The following STX8 variants were observed in gnomAD, a reference collection of about 807,000 sequenced individuals.
The protein encoded by STX8 is syntaxin-8.
Under a neutral mutation model 37.5 loss-of-function variants are expected in STX8, and 23 were observed. That is an observed-to-expected ratio of 0.61 (90% CI 0.44 to 0.87). STX8 has a LOEUF of 0.87. Among genes scored for constraint, STX8 ranks in the 40% least tolerant of loss-of-function variants. STX8 has a pLI of 0.00. For missense variants in STX8, 313 were observed against 284.7 expected (o/e 1.10, Z -0.71); for synonymous variants, 115 against 99.1 (o/e 1.16, Z -0.95).
chr17:9,442,092 C>G (rs144297185), intron 6 of STX8, among the ~76,000 whole-genome samples: 1 of 152,208 alleles, frequency 6.6e-6, no homozygotes, highest in Non-Finnish European at 1.5e-5. Context: ...GAGCACCCCA[C>G]GTGTCTTCGA....
chr17:9,498,332 T>G (rs12601610), intron 5 of STX8, among the ~76,000 whole-genome samples: 38,684 of 151,140 alleles, frequency 0.26, 5,149 homozygotes, highest in South Asian at 0.39. Context: ...GGAGGTTGTA[T>G]TGAGTTGAGA....
intron 5 of STX8, among the ~76,000 whole-genome samples, chr17:9,496,337 A>G (rs1003603778): frequency 3.9e-5 from 6 of 152,124 alleles, no homozygotes; most frequent in Non-Finnish European, 8.8e-5. Context: ...CGGCCTCCCA[A>G]AGTGCTGGGA....
chr17:9,391,895 A>G (rs1292383961), intron 6 of STX8, among the ~76,000 whole-genome samples: 1 of 152,184 alleles, frequency 6.6e-6, no homozygotes, highest in Non-Finnish European at 1.5e-5. Flanking sequence ...AAAGTTGTTC[A>G]TGAAGTCCTG....
intron 6 of STX8, among the ~76,000 whole-genome samples, chr17:9,453,705 C>A (rs28649359): frequency 0.012 from 1,775 of 152,114 alleles, 23 homozygotes; most frequent in African/African-American, 0.041. Flanking sequence ...GTTGGCCAGG[C>A]TGGTCTCAAA....
chr17:9,318,976 G>C (rs1329249315), intron 7 of STX8, among the ~76,000 whole-genome samples: 2 of 152,138 alleles, frequency 1.3e-5, no homozygotes, highest in Non-Finnish European at 2.9e-5. Context: ...ATGTAGAAGG[G>C]AGCTCTCCAG....
chr17:9,518,011 G>A (rs1905206332), intron 4 of STX8, among the ~76,000 whole-genome samples: 1 of 152,070 alleles, frequency 6.6e-6, no homozygotes, highest in African/African-American at 2.4e-5. Flanking sequence ...TTCCGAGGTA[G>A]GTAGCTACAG....
chr17:9,535,451 G>A (rs1458536011), intron 4 of STX8, among the ~76,000 whole-genome samples: 1 of 3,808 alleles, frequency 2.6e-4, no homozygotes, highest in African/African-American at 6.0e-4. Context: ...TTTTTTTTTT[G>A]AGACGGAGTC....
intron 6 of STX8, among the ~76,000 whole-genome samples, chr17:9,480,084 T>C (rs561306755): frequency 6.6e-6 from 1 of 152,354 alleles, no homozygotes; most frequent in Middle Eastern, 3.4e-3. Flanking sequence ...ATGCCAGTTC[T>C]TCTGTTTCAC....
intron 6 of STX8, among the ~76,000 whole-genome samples, chr17:9,420,107 G>A (rs541087781): frequency 6.6e-6 from 1 of 152,210 alleles, no homozygotes; most frequent in Non-Finnish European, 1.5e-5. Flanking sequence ...CATTCTTGGT[G>A]AAAAATTAGA....
At chr17:9,356,863 T>C (rs12940711) in intron 7 of STX8, among the ~76,000 whole-genome samples, 16,769 of 152,004 alleles carry the variant, frequency 0.11, 962 homozygotes, top group Middle Eastern at 0.18. Context: ...ATTTGCATCT[T>C]TGCTCTCCTA....
At chr17:9,401,708 T>C (rs1442161789) in intron 6 of STX8, among the ~76,000 whole-genome samples, 6 of 152,148 alleles carry the variant, frequency 3.9e-5, no homozygotes, top group African/African-American at 1.4e-4. Context: ...TTCTCTTTCT[T>C]ATAGGAGATC....
At chr17:9,518,319 T>C (rs2142519394) in intron 4 of STX8, among the ~76,000 whole-genome samples, 1 of 145,954 alleles carries the variant, frequency 6.9e-6, no homozygotes, top group Middle Eastern at 3.4e-3. Flanking sequence ...CTCCAGGCCT[T>C]ACCAGACCCC....
At chr17:9,322,827 A>AAAAAAAG (rs1555595727) in intron 7 of STX8, among the ~76,000 whole-genome samples, 4 of 148,758 alleles carry the variant, frequency 2.7e-5, no homozygotes, top group African/African-American at 1.0e-4. Flanking sequence ...AAAAAAAAAA[A>AAAAAAAG]AAAAAAAAAA....
intron 2 of STX8, among the ~76,000 whole-genome samples, chr17:9,565,192 A>G (rs1341291690): frequency 6.6e-6 from 1 of 152,224 alleles, no homozygotes. Context: ...TGGGCGACAG[A>G]GCAAGACTCT....
chr17:9,359,331 G>C (rs1910984520), intron 7 of STX8, among the ~76,000 whole-genome samples: 1 of 152,052 alleles, frequency 6.6e-6, no homozygotes, highest in Non-Finnish European at 1.5e-5. Flanking sequence ...CAGGAAAAGA[G>C]GTATTACTCT....
At chr17:9,283,575 G>A (rs1907969006) in intron 7 of STX8, among the ~76,000 whole-genome samples, 1 of 152,128 alleles carries the variant, frequency 6.6e-6, no homozygotes, top group African/African-American at 2.4e-5. Context: ...AGAATTCTCA[G>A]TGTTTTCATG....
chr17:9,297,275 T>C (rs909868202), intron 7 of STX8, among the ~76,000 whole-genome samples: 3 of 149,346 alleles, frequency 2.0e-5, no homozygotes, highest in Non-Finnish European at 3.0e-5. Context: ...AAAGAAAAAG[T>C]GAATCCTGCT....
intron 7 of STX8, among the ~76,000 whole-genome samples, chr17:9,354,053 T>A (rs1910797855): frequency 6.6e-6 from 1 of 152,178 alleles, no homozygotes; most frequent in African/African-American, 2.4e-5. Flanking sequence ...ACTTTTAAAC[T>A]ATATGCCCAT....
intron 7 of STX8, among the ~76,000 whole-genome samples, chr17:9,343,929 G>A (rs571277769): frequency 6.6e-6 from 1 of 152,234 alleles, no homozygotes; most frequent in East Asian, 1.9e-4. Context: ...TTTTCACCCA[G>A]GTTCCCTTAA....
Sources: allele counts gnomAD v4.1 joint callset (sites outside exome capture counted in the v4.1 genomes callset), GRCh38; gene constraint gnomAD v4.1.1; transcripts MANE v1.5; gene names NCBI Gene and HGNC (gene_info 2026-07-23, HGNC 2026-07-21).